Variants in ZRANB1 observed in about 807,000 individuals in gnomAD.
ZRANB1 encodes the protein zinc finger RANBP2-type containing 1, also known as ubiquitin thioesterase ZRANB1.
In ZRANB1, 16 loss-of-function variants were observed where a neutral mutation model predicts 80.5. That is an observed-to-expected ratio of 0.20 (90% confidence interval 0.13 to 0.30). The LOEUF (loss-of-function observed/expected upper bound fraction) is 0.30, where lower values mean the gene tolerates loss of function less well. Ranked by LOEUF, ZRANB1 falls within the 10% of genes least tolerant of loss-of-function variation. ZRANB1 has a pLI of 1.00. For missense variants in ZRANB1, 576 were observed against 862.6 expected (o/e 0.67, Z 4.16); for synonymous variants, 291 against 293.1 (o/e 0.99, Z 0.07).
At position 124,942,668 on chromosome 10, in the gene ZRANB1, G is replaced by A. The variant is rs1206517390; in HGVS notation, c.175G>A (p.Glu59Lys). ...TAGAGATTGGGATCCTTCCAGCACCGAAGGAGGAAGTAGTCCTTTGATATG... is the reference window on the plus strand; with the variant it reads ...TAGAGATTGGGATCCTTCCAGCACCAAAGGAGGAAGTAGTCCTTTGATATG... ...VGRDWDPSSTEGGSSPLICPD... is the reference protein window; with the variant it reads ...VGRDWDPSSTKGGSSPLICPD... The change falls in exon 1 of 9, where the codon GAA becomes AAA. Residue 59 changes from glutamate to lysine, a missense_variant. Transcript: ENST00000359653. 11 of 1,614,108 alleles carry A rather than the reference G, an allele frequency of 6.8e-6. No individual in the cohort carries two copies. Among genetic ancestry groups the A allele is most frequent in the African/African-American group, 1.3e-5 (1 of 74,932 alleles).
At chr10:124,917,488 G>T in the ZRANB1 span, among the ~76,000 whole-genome samples, 3 of 152,164 alleles carry the variant, frequency 2.0e-5, no homozygotes, top group African/African-American at 4.8e-5. Flanking sequence ...CTGTGGGAGG[G>T]CGGGTCCGCC....
Position 124,981,932 on chromosome 10 carries a change from A to G in ZRANB1, c.1548+103A>G, listed in dbSNP as rs182948269. 1.3e-4 allele frequency: 182 copies of G among 1,432,864 alleles called. 1 individual carries two copies. In the East Asian group the frequency reaches 3.9e-3, roughly 31 times the overall value. The allele number at this position is 1,432,864 out of a possible 1,614,324, so 88.8% of individuals were successfully genotyped here. On this transcript the variant is annotated intron_variant, in intron 6 of 8. Coordinates refer to ENST00000359653, the MANE Select transcript of ZRANB1 (RefSeq NM_017580.3). ...TGTTGGGGGCAATGTGGTCAAAGAA[A>G]AGAATGCTTGACGTGGTATCATCAG...
the ZRANB1 span, among the ~76,000 whole-genome samples, chr10:124,921,750 C>A: frequency 6.6e-6 from 1 of 151,564 alleles, no homozygotes; most frequent in Non-Finnish European, 1.5e-5. Context: ...TTTTAGGCTA[C>A]TAGATTTGTA....
the ZRANB1 span, among the ~76,000 whole-genome samples, chr10:124,931,376 A>G: frequency 6.6e-6 from 1 of 151,790 alleles, no homozygotes; most frequent in Non-Finnish European, 1.5e-5. Flanking sequence ...ACTCTCCGTT[A>G]TTATTATTTT....
At chr10:124,922,958 T>A in the ZRANB1 span, among the ~76,000 whole-genome samples, 1 of 151,982 alleles carries the variant, frequency 6.6e-6, no homozygotes, top group African/African-American at 2.4e-5. Context: ...GGAATTCGAG[T>A]CCAGTCTGGG....
Position 124,978,124 on chromosome 10 carries a change from G to C in ZRANB1, c.1428-3585G>C, listed in dbSNP as rs1951896122. ...AAGTGTTGTTGCCATGGATTCGGGA[G>C]ATCAGATATACTAGCCCTAAGGAAT... On this transcript the variant is annotated intron_variant, in intron 5 of 8. Transcript: ENST00000359653. 2.6e-5 allele frequency among the ~76,000 whole-genome samples: 4 copies of C among 152,196 alleles called. No individual in the cohort carries two copies. The South Asian group carries it at 8.3e-4, about 31-fold the overall frequency.
chr10:124,966,755 G>GAT lies in ZRANB1; in HGVS notation c.979_980dup (p.Met327IlefsTer3). 6.2e-7 allele frequency: 1 copy of GAT among 1,614,026 alleles called. No individual in the cohort carries two copies. Among genetic ancestry groups the GAT allele is most frequent in the Non-Finnish European group, 8.5e-7 (1 of 1,179,936 alleles). On this transcript the variant is annotated frameshift_variant, in exon 2 of 9. Coordinates refer to ENST00000359653, the MANE Select transcript of ZRANB1 (RefSeq NM_017580.3). LOFTEE classifies it high-confidence loss of function. The stretch of plus-strand genomic sequence containing the variant: ...CTTGGCTATACGTTTTCAGAGGCAG[G>GAT]ATATGCTAGCAATATTGCTTACAGA...
intron 1 of ZRANB1, chr10:124,946,418 CAAA>C (rs1345969298): frequency 1.6e-4 from 10 of 63,672 alleles, no homozygotes; most frequent in Non-Finnish European, 2.1e-4. Flanking sequence ...AACCCTGTCT[CAAA>C]AAAAAAAAAA....
At chr10:124,975,990 G>A (rs968588807) in intron 5 of ZRANB1, among the ~76,000 whole-genome samples, 2 of 152,208 alleles carry the variant, frequency 1.3e-5, no homozygotes, top group African/African-American at 4.8e-5. Context: ...GGGTGACAGA[G>A]TGAGACTGTC....
Position 124,983,783 on chromosome 10 carries a change from CTT to C in ZRANB1, c.1908+96_1908+97del. On this transcript the variant is annotated intron_variant, in intron 8 of 8. Coordinates refer to ENST00000359653, the MANE Select transcript of ZRANB1 (RefSeq NM_017580.3). This position sits in a 1 kb window ranked among gnomAD's most constrained non-coding sequence, Gnocchi z 6.2. ...AGGTGTGGTTTTATCTGCACTATCACTTAATTTCTGAATGTGATGGTAGTAAT... is the reference window on the plus strand; with the variant it reads ...AGGTGTGGTTTTATCTGCACTATCACAATTTCTGAATGTGATGGTAGTAAT... 1 of 863,638 alleles carries C rather than the reference CTT, an allele frequency of 1.2e-6. No individual in the cohort carries two copies. Among genetic ancestry groups the C allele is most frequent in the Non-Finnish European group, 1.8e-6 (1 of 565,574 alleles). The allele number at this position is 863,638 out of a possible 1,614,324, so 53.5% of individuals were successfully genotyped here. A position where few individuals can be genotyped will look rare whatever the true frequency, so the allele number is the denominator to read the frequency against.
chr10:124,974,901 C>T (rs1012051477), intron 5 of ZRANB1, among the ~76,000 whole-genome samples: 4 of 152,168 alleles, frequency 2.6e-5, no homozygotes, highest in African/African-American at 9.7e-5. Flanking sequence ...GGGCTCAAGC[C>T]ATCCATCCAC....
intron 1 of ZRANB1, among the ~76,000 whole-genome samples, chr10:124,964,572 A>G (rs1397831570): frequency 2.6e-5 from 4 of 152,340 alleles, no homozygotes; most frequent in South Asian, 2.1e-4. Context: ...TATAGTACAA[A>G]ACACCTACAT....
chr10:124,957,016 A>C (rs1270103181), intron 1 of ZRANB1, among the ~76,000 whole-genome samples: 1 of 152,174 alleles, frequency 6.6e-6, no homozygotes, highest in Non-Finnish European at 1.5e-5. Context: ...CTACACAACC[A>C]CACAGTATAA....
chr10:124,941,536 G>T (rs549365132), upstream of ZRANB1, among the ~76,000 whole-genome samples: 2 of 152,142 alleles, frequency 1.3e-5, no homozygotes, highest in African/African-American at 4.8e-5. Flanking sequence ...TATTTTTATA[G>T]AGACGGGGCT....
intron 1 of ZRANB1, chr10:124,945,859 T>TCA (rs1370810704): frequency 6.6e-6 from 1 of 152,202 alleles, no homozygotes; most frequent in Non-Finnish European, 1.5e-5. Flanking sequence ...CAATCATGGC[T>TCA]CACTGCAGCC....
At chr10:124,963,248 A>G (rs1273484067) in intron 1 of ZRANB1, among the ~76,000 whole-genome samples, 3 of 144,798 alleles carry the variant, frequency 2.1e-5, no homozygotes, top group Admixed American at 7.0e-5. Context: ...CCTGGGTGAC[A>G]GAGCAAGACT....
intron 2 of ZRANB1, among the ~76,000 whole-genome samples, chr10:124,969,565 G>A (rs1031682411): frequency 3.9e-5 from 6 of 152,154 alleles, no homozygotes; most frequent in Non-Finnish European, 8.8e-5. Flanking sequence ...CATGTTGGTA[G>A]TTTCATGAAA....
chr10:124,941,067 GAA>G (rs1951532065), upstream of ZRANB1, among the ~76,000 whole-genome samples: 2 of 152,130 alleles, frequency 1.3e-5, no homozygotes, highest in African/African-American at 2.4e-5. Flanking sequence ...AAATCCCTGA[GAA>G]AGAGAGAGCA....
At chr10:124,969,729 A>T (rs930347178) in intron 2 of ZRANB1, among the ~76,000 whole-genome samples, 2 of 152,248 alleles carry the variant, frequency 1.3e-5, no homozygotes, top group Non-Finnish European at 2.9e-5. Context: ...ATAGGTAAAA[A>T]GTTGGGGATA....
Sources: allele counts gnomAD v4.1 joint callset (sites outside exome capture counted in the v4.1 genomes callset), GRCh38; gene constraint gnomAD v4.1.1; non-coding constraint Gnocchi (gnomAD v3.1); transcripts MANE v1.5; gene names NCBI Gene and HGNC (gene_info 2026-07-23, HGNC 2026-07-21).